The following CSF2RA variants were observed in gnomAD, a reference collection of about 807,000 sequenced individuals.
The protein encoded by CSF2RA is colony stimulating factor 2 receptor subunit alpha, also known as granulocyte-macrophage colony-stimulating factor receptor subunit alpha.
A neutral mutation model predicts 51.6 loss-of-function variants in CSF2RA; 42 were observed. The observed-to-expected ratio is 0.81, with a 90% CI of 0.64 to 1.05. The LOEUF (loss-of-function observed/expected upper bound fraction) is 1.05. CSF2RA is among the 50% of genes least tolerant of loss of function. CSF2RA has a pLI of 0.00. For synonymous variants in CSF2RA, 222 were observed against 193.0 expected (o/e 1.15, Z -1.24); for missense variants, 530 against 501.1 (o/e 1.06, Z -0.55).
At chrX:1,274,850 G>C (rs1421527720) in intron 2 of CSF2RA, 32 bp downstream of exon 2, 1 of 453,138 alleles carries the variant, frequency 2.2e-6, no homozygotes, top group Non-Finnish European at 4.4e-6. Flanking sequence ...TCGGTAATGT[G>C]GTTGGGGATT....
the CSF2RA span, among the ~76,000 whole-genome samples, chrX:1,316,059 A>ATAGATAGATAGATAGATAGATAG: frequency 6.7e-6 from 1 of 149,148 alleles, no homozygotes; most frequent in Non-Finnish European, 1.5e-5. Context: ...TAGATAGATC[A>ATAGATAGATAGATAGATAGATAG]ATAGATAGAT....
intron 1 of CSF2RA, among the ~76,000 whole-genome samples, chrX:1,272,096 G>A (rs1293655081): frequency 6.6e-6 from 1 of 151,756 alleles, no homozygotes; most frequent in Non-Finnish European, 1.5e-5. Context: ...TGGGATTACA[G>A]GCGTGTGCTA....
chrX:1,272,622 C>T (rs1371373740), intron 1 of CSF2RA, among the ~76,000 whole-genome samples: 10 of 147,720 alleles, frequency 6.8e-5, no homozygotes, highest in East Asian at 4.0e-4. Flanking sequence ...CGAGTAGCTG[C>T]GATTACAGGC....
chrX:1,281,465 CCTT>C (rs2090059965), intron 2 of CSF2RA, among the ~76,000 whole-genome samples: 1 of 143,162 alleles, frequency 7.0e-6, no homozygotes, highest in Non-Finnish European at 1.5e-5. Context: ...TCCTCCTCCT[CCTT>C]CTCCTCCTGC....
In CSF2RA at chrX:1,303,986, T is replaced by A. The variant is rs1299043851; in HGVS notation, c.1010T>A (p.Val337Asp). 1.2e-6 allele frequency: 2 copies of A among 1,613,036 alleles called. No homozygotes were observed. Among genetic ancestry groups the A allele is most frequent in the African/African-American group, 2.7e-5 (2 of 74,650 alleles). The change falls in exon 11 of 13, where the codon GTC becomes GAC. Residue 337 changes from valine (V) to aspartate (D), a missense_variant. Transcript: ENST00000381529. ...GTGCTCCTAATCGTGGGAACCCTTGTCTGTGGCATCGTCCTCGGCTTCCTC... is the reference window on the plus strand; with the variant it reads ...GTGCTCCTAATCGTGGGAACCCTTGACTGTGGCATCGTCCTCGGCTTCCTC... Reference protein sequence around the residue: ...IYVLLIVGTLVCGIVLGFLFK... With the variant: ...IYVLLIVGTLDCGIVLGFLFK...
chrX:1,302,528 G>A (rs1442271660), intron 10 of CSF2RA, among the ~76,000 whole-genome samples: 9 of 152,014 alleles, frequency 5.9e-5, no homozygotes, highest in Admixed American at 1.3e-4. Flanking sequence ...TATTTGAGAC[G>A]GACTCTCGCT....
chrX:1,269,773 G>T (rs1362902118), intron 1 of CSF2RA, among the ~76,000 whole-genome samples: 3 of 151,912 alleles, frequency 2.0e-5, no homozygotes, highest in African/African-American at 7.2e-5. Context: ...GAAAGAACTG[G>T]AGGCAAGTTC....
At chrX:1,307,299 C>A (rs1392307873) in intron 12 of CSF2RA, among the ~76,000 whole-genome samples, 4 of 152,176 alleles carry the variant, frequency 2.6e-5, no homozygotes, top group African/African-American at 9.7e-5. Flanking sequence ...TTAGACCAGG[C>A]CCACTCTTCT....
At chrX:1,283,908 G>A (rs1192597097) in intron 3 of CSF2RA, among the ~76,000 whole-genome samples, 3 of 152,072 alleles carry the variant, frequency 2.0e-5, no homozygotes, top group Non-Finnish European at 4.4e-5. Context: ...ATTGTGACTG[G>A]CGTGGAATGA....
intron 1 of CSF2RA, among the ~76,000 whole-genome samples, chrX:1,270,508 G>A (rs1157846515): frequency 8.6e-5 from 13 of 151,946 alleles, no homozygotes; most frequent in African/African-American, 3.1e-4. Context: ...CAAAGTGGTG[G>A]GATGACAGGT....
intron 6 of CSF2RA, among the ~76,000 whole-genome samples, chrX:1,289,743 TTTGTG>T (rs2091168665): frequency 6.6e-6 from 1 of 151,716 alleles, no homozygotes; most frequent in Admixed American, 6.6e-5. Context: ...GTGGTTTTCT[TTTGTG>T]TTTGTTTTTG....
chrX:1,272,993 T>G (rs1216374724), intron 1 of CSF2RA, among the ~76,000 whole-genome samples: 3 of 151,410 alleles, frequency 2.0e-5, no homozygotes, highest in Non-Finnish European at 2.9e-5. Flanking sequence ...GTAATTTTTG[T>G]GTTTTTAGTA....
At chrX:1,314,492 A>T (rs1421163916), downstream of CSF2RA, among the ~76,000 whole-genome samples, 238 of 128,728 alleles carry the variant, frequency 1.8e-3, 8 homozygotes, top group African/African-American at 3.9e-3. Flanking sequence ...ACCCAACCCC[A>T]CTGTGCCTGC....
At chrX:1,289,646 G>C (rs1290254943) in intron 6 of CSF2RA, among the ~76,000 whole-genome samples, 1 of 145,564 alleles carries the variant, frequency 6.9e-6, no homozygotes, top group African/African-American at 2.5e-5. Flanking sequence ...TTTTGTGTTT[G>C]TTTTTGTTTT....
intron 2 of CSF2RA, among the ~76,000 whole-genome samples, chrX:1,281,712 CCA>C (rs2090092681): frequency 6.6e-6 from 1 of 151,964 alleles, no homozygotes; most frequent in Admixed American, 6.6e-5. Context: ...TTTGTCTTTT[CCA>C]CAGTGTCCAA....
intron 6 of CSF2RA, chrX:1,289,126 C>T: frequency 1.8e-6 from 1 of 568,434 alleles, no homozygotes; most frequent in Non-Finnish European, 3.1e-6. Flanking sequence ...CACACCAGGC[C>T]ACATCTATGT....
rs373617522 is a variant in CSF2RA, at chrX:1,304,236, G to A, written c.1043+217G>A. 9.2e-5 allele frequency among the ~76,000 whole-genome samples: 7 copies of A among 75,876 alleles called. 1 individual carries two copies. Among genetic ancestry groups the A allele is most frequent in the East Asian group, 9.7e-4 (2 of 2,056 alleles). 49.8% of individuals were successfully genotyped at this position (75,876 alleles called of 152,430 possible). A position where few individuals can be genotyped will look rare whatever the true frequency, so the allele number is the denominator to read the frequency against. Reference sequence around the variant, plus strand: ...ATCCTGGCTAACACAGTGAAACCCCGTCTCTACTAAAAAATTAGCCCGGCG... The same window carrying A: ...ATCCTGGCTAACACAGTGAAACCCCATCTCTACTAAAAAATTAGCCCGGCG... On this transcript the variant is annotated intron_variant, in intron 11 of 12. Coordinates refer to ENST00000381529, the MANE Select transcript of CSF2RA (RefSeq NM_172245.4).
chrX:1,323,163 A>C, the CSF2RA span, among the ~76,000 whole-genome samples: 1 of 144,816 alleles, frequency 6.9e-6, no homozygotes, highest in Non-Finnish European at 1.5e-5. Flanking sequence ...ACAATTATAA[A>C]ATAAAATAAA....
At chrX:1,323,086 G>A in the CSF2RA span, among the ~76,000 whole-genome samples, 2,876 of 151,108 alleles carry the variant, frequency 0.019, 83 homozygotes, top group African/African-American at 0.066. Flanking sequence ...CCGAGATCGC[G>A]CCACCGCACT....
Sources: gnomAD v4.1 joint callset for allele counts (sites outside exome capture counted in the v4.1 genomes callset) on GRCh38, gnomAD v4.1.1 for gene constraint, MANE v1.5 for transcripts, NCBI Gene and HGNC (gene_info 2026-07-23, HGNC 2026-07-21) for gene names.